The following MICALL2 variants were observed in gnomAD, a reference collection of about 807,000 sequenced individuals.
MICALL2 encodes MICAL like 2, also known as MICAL-like protein 2.
In MICALL2, 111 loss-of-function variants were observed where a neutral mutation model predicts 91.1. The observed-to-expected ratio is 1.22, with a 90% confidence interval of 1.04 to 1.43. The LOEUF is 1.43. MICALL2 is among the 40% of genes most tolerant of loss of function. MICALL2 has a pLI of 0.00. For synonymous variants in MICALL2, 694 were observed against 525.3 expected (o/e 1.32, Z -4.39); for missense variants, 1,556 against 1,236.0 (o/e 1.26, Z -3.88).
Position 1,459,392 on chromosome 7 carries a change from C to G in MICALL2, c.-66G>C. The stretch of plus-strand genomic sequence containing the variant: ...CACCTTCCCGCGGCTGTGCCGCGAC[C>G]GCCCGGCCGGCGGGACAGACGCTGG... On this transcript the variant is annotated 5_prime_UTR_variant, in exon 1 of 17. Transcript: ENST00000297508. 22 of 1,354,714 alleles carry G rather than the reference C, an allele frequency of 1.6e-5. No individual in the cohort carries two copies. The highest frequency in any genetic ancestry group is 2.1e-5 in the Non-Finnish European group (22 of 1,050,388). The allele number at this position is 1,354,714 out of a possible 1,614,324, so 83.9% of individuals were successfully genotyped here.
intron 1 of MICALL2, among the ~76,000 whole-genome samples, chr7:1,455,873 A>C (rs1435400318): frequency 6.6e-6 from 1 of 151,986 alleles, no homozygotes; most frequent in East Asian, 1.9e-4. Flanking sequence ...CACTGGAAGG[A>C]GAGGGGAATG....
intron 1 of MICALL2, among the ~76,000 whole-genome samples, chr7:1,455,901 C>T (rs1057292412): frequency 1.3e-5 from 2 of 151,984 alleles, no homozygotes; most frequent in African/African-American, 4.8e-5. Context: ...AAGGGCGGGG[C>T]CTCACACAGA....
In MICALL2 at chr7:1,438,943, G is replaced by T; in HGVS notation, c.2019C>A (p.Leu673=). ...GCCGAAGCCAGTTGTCACAAACGTC[G>T]AGGCTGGCAGGGACGGCCAGTCTCC... is the stretch of plus-strand genomic sequence containing the variant. ...RRRRLAVPAS[L]DVCDNWLRPE... is the part of the protein sequence containing the mutation. Residue 673 remains leucine, a synonymous_variant, in exon 10 of 17, where the codon CTC becomes CTA. Coordinates refer to ENST00000297508, the MANE Select transcript of MICALL2 (RefSeq NM_182924.4). 1 of 1,605,298 alleles carries T rather than the reference G, an allele frequency of 6.2e-7. No individual in the cohort carries two copies.
intron 4 of MICALL2, 90 bp downstream of exon 4, chr7:1,447,485 C>T (rs1000285753): frequency 1.3e-4 from 104 of 796,976 alleles, no homozygotes; most frequent in Non-Finnish European, 1.8e-4. Context: ...GGTCCCGTGG[C>T]TTAGGGGCCG....
Position 1,444,944 on chromosome 7 carries a change from G to GT in MICALL2, c.1125dup (p.Pro376ThrfsTer44). 1 of 1,515,446 alleles carries GT rather than the reference G, an allele frequency of 6.6e-7. No individual in the cohort carries two copies. The highest frequency in any genetic ancestry group is 8.8e-7 in the Non-Finnish European group (1 of 1,133,396). The allele number at this position is 1,515,446 out of a possible 1,614,324, so 93.9% of individuals were successfully genotyped here. On this transcript the variant is annotated frameshift_variant, in exon 6 of 17. Coordinates refer to ENST00000297508, the MANE Select transcript of MICALL2 (RefSeq NM_182924.4). LOFTEE classifies it high-confidence loss of function. ...ACTCGGGGGGCTCCCCCACCCTGGG[G>GT]TGTGGCCGGGCGAGGGTCTGGGGCA...
intron 12 of MICALL2, 25 bp downstream of exon 12, chr7:1,438,072 C>T (rs1394517696): frequency 1.3e-6 from 2 of 1,569,898 alleles, no homozygotes; most frequent in Non-Finnish European, 1.7e-6. Context: ...GTCGGGCTGG[C>T]CCAGGGCCAG....
chr7:1,444,738 G>T lies in MICALL2; in HGVS notation c.1332C>A (p.Ser444=), dbSNP rs986073320. The T allele has an allele frequency of 6.2e-6, 10 of 1,612,468 alleles. No individual in the cohort carries two copies. The highest frequency in any genetic ancestry group is 3.3e-4 in the Middle Eastern group (2 of 6,056). ...GCGCCTGCTCCTTGCTGCTGTCCTT[G>T]GATAGAACAAGTGACGGGGTGGGAC... The part of the protein sequence containing the change: ...GRGPTPSLVL[S]KDSSKEQARN... Residue 444 remains serine, a synonymous_variant, in exon 6 of 17, where the codon TCC becomes TCA. Transcript: ENST00000297508.
intron 8 of MICALL2, 148 bp from the exon 9 acceptor site, chr7:1,440,233 G>T (rs1780214022): frequency 2.1e-6 from 2 of 937,968 alleles, no homozygotes; most frequent in South Asian, 3.2e-5. Context: ...GACTACACCT[G>T]CTGGGACCCT....
chr7:1,443,150 C>A, intron 6 of MICALL2, among the ~76,000 whole-genome samples: 1 of 148,954 alleles, frequency 6.7e-6, no homozygotes, highest in Non-Finnish European at 1.5e-5. Context: ...TGTGCCAGGC[C>A]AGCTTCCCCA....
chr7:1,445,491 C>A, intron 5 of MICALL2, 63 bp from the exon 6 acceptor site: 4 of 1,409,126 alleles, frequency 2.8e-6, no homozygotes, highest in Non-Finnish European at 2.8e-6. Context: ...GCATTCACCA[C>A]GTGCTCCTGA....
At chr7:1,440,211 TC>T in intron 8 of MICALL2, 126 bp from the exon 9 acceptor site, 1 of 1,179,038 alleles carries the variant, frequency 8.5e-7, no homozygotes, top group Non-Finnish European at 1.2e-6. Flanking sequence ...AAATGCCACC[TC>T]CCAGCCCACT....
At chr7:1,434,717 G>C in intron 16 of MICALL2, 45 bp from the exon 17 acceptor site, 1 of 1,503,476 alleles carries the variant, frequency 6.7e-7, no homozygotes, top group Non-Finnish European at 8.9e-7. Context: ...CGCCGCAGCC[G>C]CACAGCCGTG....
At position 1,442,483 on chromosome 7, in the gene MICALL2, G is replaced by T; in HGVS notation, c.1420C>A (p.Pro474Thr). The T allele has an allele frequency of 6.6e-7, 1 of 1,525,376 alleles. No homozygotes were observed. The allele number at this position is 1,525,376 out of a possible 1,614,324, so 94.5% of individuals were successfully genotyped here. Reference protein sequence around the residue: ...EEAGAPAPGRPSPATAAVPSS... With the variant: ...EEAGAPAPGRTSPATAAVPSS... ...GGAACAGCGGCAGTGGCTGGGGAGG[G>T]CCTATAAGTAAAAGCGCAGGCATCA... Residue 474 changes from proline to threonine, a missense_variant and splice_region_variant, in exon 7 of 17, where the codon CCC (proline) becomes ACC (threonine). Coordinates refer to ENST00000297508, the MANE Select transcript of MICALL2 (RefSeq NM_182924.4).
At chr7:1,445,539 T>A (rs947000981) in intron 5 of MICALL2, 111 bp from the exon 6 acceptor site, 4 of 1,087,318 alleles carry the variant, frequency 3.7e-6, no homozygotes, top group Non-Finnish European at 5.1e-6. Context: ...ACTTGCGAGG[T>A]TGCTGAACGC....
Position 1,445,302 on chromosome 7 carries a change from G to C in MICALL2, c.768C>G (p.Val256=), listed in dbSNP as rs761420798. 2.5e-6 allele frequency: 4 copies of C among 1,611,936 alleles called. No individual in the cohort carries two copies. The highest frequency in any genetic ancestry group is 3.4e-6 in the Non-Finnish European group (4 of 1,179,792). ...ASASPKLTGL[V]PRQPGAMGVD... ...CACCCATGGCCCCTGGCTGTCGGGG[G>C]ACCAGACCCGTCAACTTGGGGCTTG... The change falls in exon 6 of 17, where the codon GTC becomes GTG. Residue 256 remains valine, a synonymous_variant. Coordinates refer to ENST00000297508, the MANE Select transcript of MICALL2 (RefSeq NM_182924.4).
In MICALL2 at chr7:1,446,697, C is replaced by G; in HGVS notation, c.641+16G>C. The G allele has an allele frequency of 6.4e-7, 1 of 1,564,766 alleles. No individual in the cohort carries two copies. The highest frequency in any genetic ancestry group is 8.7e-7 in the Non-Finnish European group (1 of 1,152,974). ...GGAGGTGCACACTCAGGCGTGCGGG[C>G]AGAGGGCAGCCCCACCTGAAGCAGC... On this transcript the variant is annotated intron_variant, in intron 5 of 16. Transcript: ENST00000297508.
intron 9 of MICALL2, 184 bp from the exon 10 acceptor site, chr7:1,439,179 T>TC (rs941180829): frequency 3.5e-6 from 2 of 570,618 alleles, no homozygotes; most frequent in Non-Finnish European, 6.2e-6. Context: ...TGGCCATGTC[T>TC]CCCCAGGGGG....
At chr7:1,440,397 G>A in intron 8 of MICALL2, 194 bp downstream of exon 8, 1 of 643,468 alleles carries the variant, frequency 1.6e-6, no homozygotes, top group Non-Finnish European at 2.7e-6. Context: ...GCCCAGGTGA[G>A]ACACGCAACG....
intron 9 of MICALL2, 56 bp from the exon 10 acceptor site, chr7:1,439,051 G>A (rs1038677222): frequency 9.9e-6 from 14 of 1,410,502 alleles, no homozygotes; most frequent in Middle Eastern, 2.4e-4. Context: ...CTGGGAGCCT[G>A]GGGTCTGTCC....
Sources: allele counts gnomAD v4.1 joint callset (sites outside exome capture counted in the v4.1 genomes callset), GRCh38; gene constraint gnomAD v4.1.1; transcripts MANE v1.5; gene names NCBI Gene and HGNC (gene_info 2026-07-23, HGNC 2026-07-21).